The following DLG1 variants were observed in gnomAD, a reference collection of about 807,000 sequenced individuals.
The protein encoded by DLG1 is discs large MAGUK scaffold protein 1.
DLG1 carries 42 observed loss-of-function variants against 123.4 expected under a neutral mutation model. The observed-to-expected ratio is 0.34, with a 90% confidence interval of 0.27 to 0.44. DLG1 has a LOEUF of 0.44. DLG1 is among the 20% of genes least tolerant of loss of function. The pLI, the probability that DLG1 is intolerant of heterozygous loss-of-function variation, is 1.00. For missense variants in DLG1, 942 were observed against 1,082.6 expected (o/e 0.87, Z 1.82); for synonymous variants, 317 against 356.2 (o/e 0.89, Z 1.24).
intron 3 of DLG1, among the ~76,000 whole-genome samples, chr3:197,292,360 G>T (rs1041050012): frequency 6.6e-6 from 1 of 152,192 alleles, no homozygotes; most frequent in Non-Finnish European, 1.5e-5. Context: ...AAATAAGCCA[G>T]TCGCAAAAAG....
At chr3:197,240,701 C>T (rs760011528) in intron 4 of DLG1, among the ~76,000 whole-genome samples, 1 of 151,662 alleles carries the variant, frequency 6.6e-6, no homozygotes, top group Non-Finnish European at 1.5e-5. Flanking sequence ...TAAAATTATC[C>T]AAGTCATAAC....
At chr3:197,074,769 A>C (rs1746154251) in intron 18 of DLG1, among the ~76,000 whole-genome samples, 1 of 152,076 alleles carries the variant, frequency 6.6e-6, no homozygotes, top group South Asian at 2.1e-4. Flanking sequence ...CTTCAATCTA[A>C]TACAAACTTA....
intron 4 of DLG1, among the ~76,000 whole-genome samples, chr3:197,276,946 C>A (rs189184242): frequency 2.6e-5 from 4 of 151,932 alleles, no homozygotes; most frequent in East Asian, 3.9e-4. Flanking sequence ...GGCTGGAGTG[C>A]GGTGGTACGA....
At chr3:197,150,573 C>T (rs534954312) in intron 5 of DLG1, among the ~76,000 whole-genome samples, 1 of 152,054 alleles carries the variant, frequency 6.6e-6, no homozygotes, top group African/African-American at 2.4e-5. Flanking sequence ...TATGAAAGTA[C>T]CAAGTCACAT....
chr3:197,135,452 G>A (rs534489790), intron 10 of DLG1, among the ~76,000 whole-genome samples: 178 of 152,282 alleles, frequency 1.2e-3, no homozygotes, highest in African/African-American at 3.3e-3. Flanking sequence ...GAAGAAGGGC[G>A]TGTTTGCTTT....
chr3:197,047,569 A>G (rs1198073368), intron 24 of DLG1, among the ~76,000 whole-genome samples: 2 of 152,190 alleles, frequency 1.3e-5, no homozygotes, highest in Admixed American at 1.3e-4. Context: ...GAGTAAAATA[A>G]GAATATTGGG....
At chr3:197,124,519 C>A (rs1778032034) in intron 11 of DLG1, among the ~76,000 whole-genome samples, 1 of 152,050 alleles carries the variant, frequency 6.6e-6, no homozygotes, top group African/African-American at 2.4e-5. Flanking sequence ...CATGCTCCGC[C>A]CGCCTCGGCC....
chr3:197,273,188 A>ATG (rs34778202), intron 4 of DLG1, among the ~76,000 whole-genome samples: 15,437 of 147,800 alleles, frequency 0.1, 823 homozygotes, highest in African/African-American at 0.12. Context: ...CACTGAATAT[A>ATG]TGTGTGTGTG....
chr3:197,162,788 T>C (rs971359880), intron 5 of DLG1, among the ~76,000 whole-genome samples: 4 of 152,216 alleles, frequency 2.6e-5, no homozygotes, highest in Non-Finnish European at 5.9e-5. Context: ...GGGTTAATCT[T>C]TGTGACCGTG....
At chr3:197,183,540 T>C (rs1489075631) in intron 5 of DLG1, 2 of 1,525,146 alleles carry the variant, frequency 1.3e-6, no homozygotes, top group East Asian at 2.5e-5. Context: ...TAAACAGAAA[T>C]AGATTGAAAA....
At chr3:197,285,854 T>C (rs1469099255) in intron 3 of DLG1, among the ~76,000 whole-genome samples, 1 of 152,206 alleles carries the variant, frequency 6.6e-6, no homozygotes, top group Non-Finnish European at 1.5e-5. Flanking sequence ...CTATATATGC[T>C]CCAGCAATTG....
At chr3:197,294,145 A>T (rs1054430137) in intron 3 of DLG1, among the ~76,000 whole-genome samples, 18 of 152,180 alleles carry the variant, frequency 1.2e-4, no homozygotes, top group Non-Finnish European at 8.8e-5. Context: ...TTTATTCCGT[A>T]GTATCAACAA....
chr3:197,120,131 G>A (rs1775489908), intron 11 of DLG1, among the ~76,000 whole-genome samples: 1 of 152,146 alleles, frequency 6.6e-6, no homozygotes, highest in Non-Finnish European at 1.5e-5. Context: ...ACTTGGTGGT[G>A]TGGCCTGTAG....
intron 4 of DLG1, among the ~76,000 whole-genome samples, chr3:197,264,002 T>C (rs1157170248): frequency 6.6e-6 from 1 of 152,192 alleles, no homozygotes; most frequent in Non-Finnish European, 1.5e-5. Flanking sequence ...GTTTGCCAAC[T>C]CAATTACAAA....
intron 4 of DLG1, among the ~76,000 whole-genome samples, chr3:197,262,857 G>A (rs986607808): frequency 4.6e-5 from 7 of 152,294 alleles, no homozygotes; most frequent in Admixed American, 1.3e-4. Context: ...TCTCCTCTCA[G>A]ACCTAAATAC....
chr3:197,194,733 A>C (rs1394714014), intron 4 of DLG1, 144 bp from the exon 5 acceptor site: 8 of 482,892 alleles, frequency 1.7e-5, no homozygotes, highest in Non-Finnish European at 2.8e-5. Context: ...TCAGAGAAAT[A>C]GGATTTTACT....
At chr3:197,129,745 T>C (rs980345211) in intron 11 of DLG1, among the ~76,000 whole-genome samples, 19 of 152,144 alleles carry the variant, frequency 1.2e-4, no homozygotes, top group Non-Finnish European at 5.9e-5. Flanking sequence ...ACTGGCCTAA[T>C]ATCAATATTG....
At chr3:197,262,205 C>T (rs1759724423) in intron 4 of DLG1, among the ~76,000 whole-genome samples, 1 of 152,086 alleles carries the variant, frequency 6.6e-6, no homozygotes, top group Admixed American at 6.5e-5. Context: ...GGTTAGAGGG[C>T]TGGAACTTTC....
At chr3:197,081,419 T>C (rs971013264) in intron 16 of DLG1, among the ~76,000 whole-genome samples, 1 of 152,216 alleles carries the variant, frequency 6.6e-6, no homozygotes, top group African/African-American at 2.4e-5. Flanking sequence ...AGTTTAACAG[T>C]TTTCCAAGTT....
Sources: gnomAD v4.1 joint callset for allele counts (sites outside exome capture counted in the v4.1 genomes callset) on GRCh38, gnomAD v4.1.1 for gene constraint, MANE v1.5 for transcripts, NCBI Gene and HGNC (gene_info 2026-07-23, HGNC 2026-07-21) for gene names.